The following KIAA0825 variants were observed in gnomAD, a reference collection of about 807,000 sequenced individuals.
KIAA0825 encodes KIAA0825.
KIAA0825 carries 119 observed loss-of-function variants against 147.6 expected under a neutral mutation model. The observed-to-expected ratio is 0.81, with a 90% CI of 0.69 to 0.94. KIAA0825 has a LOEUF of 0.94. KIAA0825 is among the 40% of genes least tolerant of loss of function. KIAA0825 has a pLI of 0.00. For synonymous variants in KIAA0825, 470 were observed against 518.1 expected (o/e 0.91, Z 1.26); for missense variants, 1,381 against 1,472.7 (o/e 0.94, Z 1.02).
intron 20 of KIAA0825, among the ~76,000 whole-genome samples, chr5:94,169,602 A>AC (rs1768414741): frequency 6.6e-6 from 1 of 151,476 alleles, no homozygotes; most frequent in South Asian, 2.1e-4. Context: ...AATTCAGGAG[A>AC]AAATGACAAC....
intron 20 of KIAA0825, among the ~76,000 whole-genome samples, chr5:94,287,025 A>G (rs1039983114): frequency 1.3e-5 from 2 of 152,118 alleles, no homozygotes; most frequent in Admixed American, 6.6e-5. Context: ...CTAGACTTGT[A>G]TGCTCTAGAT....
In KIAA0825 at chr5:94,156,107, T is replaced by G. The variant is rs550415166; in HGVS notation, c.3711-1983A>C. Among the ~76,000 whole-genome samples the G allele has an allele frequency of 1.9e-3, 293 of 152,370 alleles. 1 individual carries two copies. Among genetic ancestry groups the G allele is most frequent in the Non-Finnish European group, 3.3e-3 (223 of 68,028 alleles). Reference sequence around the variant, plus strand: ...TTTAAACACTTGAGATATCACTCTTTAAATTCTCAATTTAAAAAGTTATTA... The same window carrying G: ...TTTAAACACTTGAGATATCACTCTTGAAATTCTCAATTTAAAAAGTTATTA... On this transcript the variant is annotated intron_variant, in intron 20 of 20. Coordinates refer to ENST00000682413, the MANE Select transcript of KIAA0825 (RefSeq NM_001145678.3).
At chr5:94,601,374 G>A (rs562899780) in intron 1 of KIAA0825, among the ~76,000 whole-genome samples, 61 of 152,084 alleles carry the variant, frequency 4.0e-4, no homozygotes, top group Admixed American at 7.9e-4. Context: ...CAGCAACAAC[G>A]AAAAAACCCC....
chr5:94,223,956 G>C (rs1275396708), intron 20 of KIAA0825, among the ~76,000 whole-genome samples: 1 of 151,916 alleles, frequency 6.6e-6, no homozygotes, highest in Admixed American at 6.6e-5. Flanking sequence ...GCATTTGAAA[G>C]AGCGTATGTC....
At chr5:94,544,209 G>A (rs1443512771) in intron 2 of KIAA0825, among the ~76,000 whole-genome samples, 1 of 152,154 alleles carries the variant, frequency 6.6e-6, no homozygotes, top group Non-Finnish European at 1.5e-5. Context: ...CTTGGTAGAG[G>A]CCCAGAAGTA....
intron 14 of KIAA0825, among the ~76,000 whole-genome samples, chr5:94,418,968 C>T (rs1562478979): frequency 6.6e-6 from 1 of 152,040 alleles, no homozygotes; most frequent in African/African-American, 2.4e-5. Flanking sequence ...GCCCCAAACT[C>T]CTGGACTTAA....
intron 7 of KIAA0825, among the ~76,000 whole-genome samples, chr5:94,475,096 A>C (rs558369068): frequency 6.6e-6 from 1 of 152,256 alleles, no homozygotes; most frequent in South Asian, 2.1e-4. Context: ...CTCAAAAAAA[A>C]AAAAAAATTC....
At chr5:94,389,735 C>T (rs577161988) in intron 18 of KIAA0825, among the ~76,000 whole-genome samples, 1 of 152,210 alleles carries the variant, frequency 6.6e-6, no homozygotes, top group Non-Finnish European at 1.5e-5. Context: ...CAACACCTCA[C>T]AGTGGAAAAG....
chr5:94,209,838 T>A (rs1772540948), intron 20 of KIAA0825, among the ~76,000 whole-genome samples: 1 of 152,176 alleles, frequency 6.6e-6, no homozygotes. Context: ...GGCCTGCCTG[T>A]TAGTGATCTA....
At chr5:94,207,450 C>T (rs1054974125) in intron 20 of KIAA0825, among the ~76,000 whole-genome samples, 3 of 152,172 alleles carry the variant, frequency 2.0e-5, no homozygotes, top group Non-Finnish European at 4.4e-5. Flanking sequence ...GTCAGAGGCA[C>T]CTCCTCAATG....
At chr5:94,264,392 G>A (rs1471086621) in intron 20 of KIAA0825, among the ~76,000 whole-genome samples, 1 of 152,164 alleles carries the variant, frequency 6.6e-6, no homozygotes, top group East Asian at 1.9e-4. Flanking sequence ...CTTAGTACAT[G>A]TGTGTTAAAT....
At chr5:94,336,767 G>C (rs190501520) in intron 20 of KIAA0825, among the ~76,000 whole-genome samples, 226 of 152,148 alleles carry the variant, frequency 1.5e-3, no homozygotes, top group African/African-American at 5.3e-3. Context: ...AATCCTTTGG[G>C]TATATACCCA....
intron 13 of KIAA0825, among the ~76,000 whole-genome samples, chr5:94,440,623 T>G (rs188017702): frequency 2.2e-4 from 34 of 152,268 alleles, no homozygotes; most frequent in African/African-American, 7.0e-4. Flanking sequence ...ATTTAATATG[T>G]AAAGCCTTAC....
intron 15 of KIAA0825, chr5:94,413,421 A>T (rs1192932776): frequency 6.6e-6 from 1 of 152,192 alleles, no homozygotes; most frequent in Non-Finnish European, 1.5e-5. Flanking sequence ...GTAAGTGGAT[A>T]AAAAAAGTAC....
At chr5:94,321,702 G>C (rs1780215819) in intron 20 of KIAA0825, among the ~76,000 whole-genome samples, 1 of 151,890 alleles carries the variant, frequency 6.6e-6, no homozygotes, top group East Asian at 1.9e-4. Flanking sequence ...ATTGAGGGCA[G>C]CAAATCACCC....
At chr5:94,193,672 A>T (rs115887556) in intron 20 of KIAA0825, among the ~76,000 whole-genome samples, 2 of 152,158 alleles carry the variant, frequency 1.3e-5, no homozygotes, top group African/African-American at 4.8e-5. Context: ...CAACAACCCT[A>T]TGAAATATGT....
chr5:94,263,621 C>G (rs1776604519), intron 20 of KIAA0825, among the ~76,000 whole-genome samples: 2 of 152,118 alleles, frequency 1.3e-5, no homozygotes, highest in Non-Finnish European at 2.9e-5. Flanking sequence ...CAAACTTGTT[C>G]TCTTTCGCCA....
At chr5:94,493,807 C>T (rs956476592) in intron 5 of KIAA0825, among the ~76,000 whole-genome samples, 1 of 151,958 alleles carries the variant, frequency 6.6e-6, no homozygotes, top group South Asian at 2.1e-4. Context: ...ATTTTTTATA[C>T]CTTCTTTCTC....
intron 2 of KIAA0825, among the ~76,000 whole-genome samples, chr5:94,554,200 C>T (rs192551203): frequency 1.3e-5 from 2 of 152,324 alleles, no homozygotes; most frequent in Admixed American, 1.3e-4. Flanking sequence ...GTTCCCCTGA[C>T]TTGGCAGACT....
Sources: gnomAD v4.1 joint callset for allele counts (sites outside exome capture counted in the v4.1 genomes callset) on GRCh38, gnomAD v4.1.1 for gene constraint, MANE v1.5 for transcripts, NCBI Gene and HGNC (gene_info 2026-07-23, HGNC 2026-07-21) for gene names.